The following CNGB1 variants were observed in gnomAD, a reference collection of about 807,000 sequenced individuals.
CNGB1 encodes cyclic nucleotide gated channel subunit beta 1.
A neutral mutation model predicts 151.7 loss-of-function variants in CNGB1; 126 were observed. The observed-to-expected ratio is 0.83, with a 90% CI of 0.72 to 0.96. CNGB1 has a LOEUF of 0.96. Among genes scored for constraint, CNGB1 ranks in the 40% least tolerant of loss-of-function variants. CNGB1 has a pLI of 0.00. For synonymous variants in CNGB1, 623 were observed against 635.1 expected (o/e 0.98, Z 0.29); for missense variants, 1,698 against 1,627.0 (o/e 1.04, Z -0.75).
chr16:57,957,381 C>A lies in CNGB1; in HGVS notation c.838-4G>T, dbSNP rs375539469. On this transcript the variant is annotated splice_polypyrimidine_tract_variant and splice_region_variant and intron_variant, in intron 11 of 32. Coordinates refer to ENST00000251102, the MANE Select transcript of CNGB1 (RefSeq NM_001297.5). ...ATATCCCAGGGGAGTCAGGCTCCTG[C>A]ATGGAGAGAGAAAAAAGGGAAAATC... The A allele has an allele frequency of 2.9e-4, 464 of 1,613,948 alleles. No homozygotes were observed. Among genetic ancestry groups the A allele is most frequent in the Non-Finnish European group, 3.7e-4 (438 of 1,179,820 alleles).
intron 25 of CNGB1, among the ~76,000 whole-genome samples, chr16:57,911,276 G>C (rs1266099977): frequency 6.6e-6 from 1 of 152,146 alleles, no homozygotes; most frequent in Non-Finnish European, 1.5e-5. Flanking sequence ...GGAAGATGTA[G>C]TGACCTGGCT....
intron 14 of CNGB1, among the ~76,000 whole-genome samples, chr16:57,948,502 G>C (rs970043731): frequency 6.6e-6 from 1 of 151,888 alleles, no homozygotes; most frequent in Non-Finnish European, 1.5e-5. Context: ...TACTCTTCTT[G>C]TCTCTGCCCT....
chr16:57,919,468 A>G (rs973490362), intron 19 of CNGB1, among the ~76,000 whole-genome samples: 1 of 152,138 alleles, frequency 6.6e-6, no homozygotes, highest in Non-Finnish European at 1.5e-5. Flanking sequence ...CTGGGTGCCC[A>G]CCCAGAAGTT....
chr16:57,955,961 G>T (rs1597009476), intron 12 of CNGB1, among the ~76,000 whole-genome samples: 1 of 152,182 alleles, frequency 6.6e-6, no homozygotes, highest in East Asian at 1.9e-4. Flanking sequence ...ATCTGTTACG[G>T]CAGTCCTAGA....
At chr16:57,948,313 CTTCTTTT>C (rs1961858672) in intron 14 of CNGB1, among the ~76,000 whole-genome samples, 1 of 99,324 alleles carries the variant, frequency 1.0e-5, no homozygotes, top group Non-Finnish European at 2.0e-5. Flanking sequence ...TCTTCTTCTT[CTTCTTTT>C]TTTTTTTTTT....
intron 7 of CNGB1, among the ~76,000 whole-genome samples, chr16:57,961,373 T>G (rs1213895923): frequency 6.6e-6 from 1 of 152,234 alleles, no homozygotes; most frequent in Non-Finnish European, 1.5e-5. Context: ...CATTTTGCCC[T>G]GGGCCCCACA....
chr16:57,896,713 AAAATAAATAAATAAATAAATAAATAAAT>A (rs3038249), intron 31 of CNGB1, among the ~76,000 whole-genome samples: 1 of 137,014 alleles, frequency 7.3e-6, no homozygotes, highest in South Asian at 2.3e-4. Flanking sequence ...ACTCTGTCTC[AAAATAAATAAATAAATAAATAAATAAAT>A]AAATAAATAA....
chr16:57,944,741 G>C (rs1961759165), intron 14 of CNGB1, among the ~76,000 whole-genome samples: 1 of 151,748 alleles, frequency 6.6e-6, no homozygotes, highest in Non-Finnish European at 1.5e-5. Context: ...GATCACTTGA[G>C]GTCAGAAGTT....
In CNGB1 at chr16:57,883,984, G is replaced by T. The variant is rs1398933937; in HGVS notation, c.*180C>A. 3.8e-6 allele frequency: 3 copies of T among 782,218 alleles called. No individual in the cohort carries two copies. Among genetic ancestry groups the T allele is most frequent in the Non-Finnish European group, 6.3e-6 (3 of 474,392 alleles). The allele number at this position is 782,218 out of a possible 1,614,324, so 48.5% of individuals were successfully genotyped here. On this transcript the variant is annotated 3_prime_UTR_variant, in exon 33 of 33. Coordinates refer to ENST00000251102, the MANE Select transcript of CNGB1 (RefSeq NM_001297.5). ...TCGAGCTCAGGCCCAGCCCCGCGAG[G>T]AGCTGAGTCGGGGCTGGCGTGCTGG... is the stretch of plus-strand genomic sequence containing the variant.
At chr16:57,899,362 G>A (rs28454865) in intron 29 of CNGB1, among the ~76,000 whole-genome samples, 54,213 of 152,076 alleles carry the variant, frequency 0.36, 10,069 homozygotes, top group East Asian at 0.52. Context: ...AAAGGGGGCC[G>A]GGTGCAGTGG....
intron 24 of CNGB1, 107 bp from the exon 25 acceptor site, chr16:57,911,982 C>T: frequency 3.4e-6 from 5 of 1,483,096 alleles, no homozygotes; most frequent in Non-Finnish European, 3.7e-6. Context: ...CGACTGGATG[C>T]TTTGTTGAGA....
chr16:57,902,360 C>T (rs1391649674), intron 27 of CNGB1, among the ~76,000 whole-genome samples: 1 of 151,614 alleles, frequency 6.6e-6, no homozygotes, highest in Non-Finnish European at 1.5e-5. Flanking sequence ...AGTGAGCCAC[C>T]GCACCCAGCC....
rs567204004 is a variant in CNGB1, at chr16:57,938,339, A to C, written c.1372+1091T>G. Among the ~76,000 whole-genome samples the C allele has an allele frequency of 2.6e-5, 4 of 152,296 alleles. No homozygotes were observed. In the East Asian group the frequency reaches 7.7e-4, roughly 29 times the overall value. On this transcript the variant is annotated intron_variant, in intron 16 of 32. Coordinates refer to ENST00000251102, the MANE Select transcript of CNGB1 (RefSeq NM_001297.5). ...TAACAGAGAACACTTTTCAAAGACC[A>C]AGTAGGGAGCAAGCTCAGGATACCC...
At chr16:57,953,742 C>T (rs1962019135) in intron 12 of CNGB1, among the ~76,000 whole-genome samples, 1 of 152,134 alleles carries the variant, frequency 6.6e-6, no homozygotes, top group Admixed American at 6.5e-5. Context: ...GGCCCCAAAG[C>T]ACTAACCTCT....
rs60059824 is a variant in CNGB1, at chr16:57,951,436, C to G, written c.875-896G>C. The stretch of plus-strand genomic sequence containing the variant: ...GTGCAATTATGGCTCACCTCAGCCT[C>G]GACCTCCTGGGCTTAAGCAATCCTC... On this transcript the variant is annotated intron_variant, in intron 12 of 32. Coordinates refer to ENST00000251102, the MANE Select transcript of CNGB1 (RefSeq NM_001297.5). Among the ~76,000 whole-genome samples, 453 of 152,310 alleles carry G rather than the reference C, an allele frequency of 3.0e-3. 2 individuals are homozygous for G. Among genetic ancestry groups the G allele is most frequent in the African/African-American group, 0.01 (425 of 41,558 alleles).
In CNGB1 at chr16:57,905,109, C is replaced by G. The variant is rs1270025553; in HGVS notation, c.2493-234G>C. The stretch of plus-strand genomic sequence containing the variant: ...GTGTCTCTAGGGACATGTTGCCATC[C>G]CCATTTACAGATATGGAAACTGAGG... On this transcript the variant is annotated intron_variant, in intron 25 of 32. Coordinates refer to ENST00000251102, the MANE Select transcript of CNGB1 (RefSeq NM_001297.5). Among the ~76,000 whole-genome samples the G allele has an allele frequency of 2.0e-5, 3 of 152,102 alleles. No individual in the cohort carries two copies. In the East Asian group the frequency reaches 5.8e-4, roughly 29 times the overall value.
chr16:57,965,039 A>C (rs1352169886), intron 2 of CNGB1, among the ~76,000 whole-genome samples: 2 of 152,196 alleles, frequency 1.3e-5, no homozygotes, highest in Non-Finnish European at 2.9e-5. Flanking sequence ...CTCTGCAGCC[A>C]CACCTCCTGC....
At chr16:57,920,306 C>T in intron 19 of CNGB1, 81 bp downstream of exon 19, 2 of 1,534,114 alleles carry the variant, frequency 1.3e-6, no homozygotes, top group Non-Finnish European at 1.8e-6. Flanking sequence ...CTTGGGGCCA[C>T]CCTTGCCATG....
rs1345100095 is a variant in CNGB1, at chr16:57,964,561, G to A, written c.160-17C>T. ...TTCGGGGGGCTAGAGGGTTCGAACA[G>A]GATCATGTAAGTCCTAGGTGAGACC... On this transcript the variant is annotated splice_polypyrimidine_tract_variant and intron_variant, in intron 2 of 32. Transcript: ENST00000251102. The A allele has an allele frequency of 1.2e-6, 2 of 1,614,082 alleles. No individual in the cohort carries two copies. The highest frequency in any genetic ancestry group is 1.7e-5 in the Admixed American group (1 of 60,028).
Sources: allele counts gnomAD v4.1 joint callset (sites outside exome capture counted in the v4.1 genomes callset), GRCh38; gene constraint gnomAD v4.1.1; transcripts MANE v1.5; gene names NCBI Gene and HGNC (gene_info 2026-07-23, HGNC 2026-07-21).